AHI1: variants seen among roughly 807,000 people sequenced by gnomAD.
The protein encoded by AHI1 is Abelson helper integration site 1.
In AHI1, 123 loss-of-function variants were observed where a neutral mutation model predicts 149.3. That is an observed-to-expected ratio of 0.82 (90% CI 0.71 to 0.96). The LOEUF (loss-of-function observed/expected upper bound fraction) is 0.96. Ranked by LOEUF, AHI1 falls within the 40% of genes least tolerant of loss-of-function variation. AHI1 has a pLI of 0.00. For missense variants in AHI1, 1,439 were observed against 1,422.7 expected, an observed-to-expected ratio of 1.01 and a Z score of -0.18; for synonymous variants, 475 against 459.8, an observed-to-expected ratio of 1.03 and a Z score of -0.42.
rs953486131 is a variant in AHI1 at position 135,387,823 on chromosome 6, T to G, written c.3109+6953A>C. 3 of 1,387,426 alleles carry G rather than the reference T, an allele frequency of 2.2e-6. No individual in the cohort carries two copies. The East Asian group carries it at 7.7e-5, about 36-fold the overall frequency. 85.9% of individuals were successfully genotyped at this position (1,387,426 alleles called of 1,614,324 possible). A position where few individuals can be genotyped will look rare whatever the true frequency, so the allele number is the denominator to read the frequency against. ...TTATTCTCCCAATATTTTATGAGTT[T>G]CAAAGTATTAAATGTATTGTGTTGA... On this transcript the variant is annotated intron_variant, in intron 23 of 28. Coordinates refer to ENST00000265602, the MANE Select transcript of AHI1 (RefSeq NM_001134831.2).
Position 135,445,569 on chromosome 6 carries a change from T to A in AHI1, c.1779+1439A>T, listed in dbSNP as rs78118261. On this transcript the variant is annotated intron_variant, in intron 13 of 28. Coordinates refer to ENST00000265602, the MANE Select transcript of AHI1 (RefSeq NM_001134831.2). ...ACATCAAAAAATTTTTTTTTAAATT[T>A]TTAATTCTTTTTCTTTTTAAAGAGA... Among the ~76,000 whole-genome samples, 699 of 152,270 alleles carry A rather than the reference T, an allele frequency of 4.6e-3. 3 individuals carry two copies. Among genetic ancestry groups the A allele is most frequent in the African/African-American group, 0.016 (673 of 41,566 alleles).
At chr6:135,286,101 C>T (rs1781651525) in intron 28 of AHI1, among the ~76,000 whole-genome samples, 1 of 152,190 alleles carries the variant, frequency 6.6e-6, no homozygotes, top group East Asian at 1.9e-4. Context: ...TTCATTTAGT[C>T]TATGGCTATG....
intron 14 of AHI1, among the ~76,000 whole-genome samples, chr6:135,442,151 A>C (rs1256822939): frequency 6.6e-6 from 1 of 152,162 alleles, no homozygotes; most frequent in Non-Finnish European, 1.5e-5. Context: ...CATAATGAGA[A>C]GTTTTCATCT....
chr6:135,423,496 A>G (rs1783507760), intron 20 of AHI1, among the ~76,000 whole-genome samples: 1 of 152,208 alleles, frequency 6.6e-6, no homozygotes, highest in Admixed American at 6.6e-5. Context: ...AATATAAAAA[A>G]TAAGTTTGTC....
intron 24 of AHI1, among the ~76,000 whole-genome samples, chr6:135,345,301 C>T (rs758682381): frequency 6.6e-6 from 1 of 152,112 alleles, no homozygotes; most frequent in Non-Finnish European, 1.5e-5. Flanking sequence ...CCATATGATG[C>T]GGCAATTCTA....
At chr6:135,307,713 GT>G (rs1426592764) in intron 26 of AHI1, among the ~76,000 whole-genome samples, 1 of 150,558 alleles carries the variant, frequency 6.6e-6, no homozygotes, top group East Asian at 1.9e-4. Flanking sequence ...ACTTATAAGT[GT>G]TTTTTCCTTT....
At chr6:135,309,956 A>G (rs997621993) in intron 26 of AHI1, among the ~76,000 whole-genome samples, 5 of 152,194 alleles carry the variant, frequency 3.3e-5, no homozygotes, top group African/African-American at 1.2e-4. Context: ...TAAATATAAT[A>G]GAAATAAATC....
chr6:135,413,709 A>C (rs1402723542), intron 20 of AHI1, among the ~76,000 whole-genome samples: 2 of 146,454 alleles, frequency 1.4e-5, no homozygotes, highest in Non-Finnish European at 3.0e-5. Context: ...ATGTCTATAT[A>C]CAAGCAATTA....
intron 24 of AHI1, among the ~76,000 whole-genome samples, chr6:135,357,221 G>A (rs573911445): frequency 5.4e-4 from 83 of 152,340 alleles, no homozygotes; most frequent in East Asian, 2.7e-3. Context: ...ACAGGCGTGA[G>A]CCACTGTGTC....
chr6:135,363,877 C>T (rs866227991), intron 23 of AHI1, among the ~76,000 whole-genome samples: 1 of 149,246 alleles, frequency 6.7e-6, no homozygotes, highest in African/African-American at 2.5e-5. Context: ...GACGGGGCGG[C>T]TGGCCGGACG....
chr6:135,349,431 G>T (rs1198019344), intron 24 of AHI1, among the ~76,000 whole-genome samples: 1 of 152,156 alleles, frequency 6.6e-6, no homozygotes, highest in Non-Finnish European at 1.5e-5. Context: ...CCATCTGCTG[G>T]CTAAATTGCA....
intron 26 of AHI1, among the ~76,000 whole-genome samples, chr6:135,304,797 G>A (rs950117012): frequency 6.6e-6 from 1 of 152,148 alleles, no homozygotes; most frequent in African/African-American, 2.4e-5. Flanking sequence ...TCCTGATCAC[G>A]ATTTGTAGTT....
At position 135,457,524 on chromosome 6, in the gene AHI1, T is replaced by C; in HGVS notation, c.1121A>G (p.His374Arg). ...ATCTTTCTTGACATATTGACCAGTA[T>C]GCTCATCAACCACATGAATTTTTAC... Reference protein sequence around the residue: ...PMVKIHVVDEHTGQYVKKDDS... With the variant: ...PMVKIHVVDERTGQYVKKDDS... Residue 374 changes from histidine (H) to arginine (R), a missense_variant, in exon 9 of 29, where the codon CAT becomes CGT. Physicochemically the swap from His to Arg is conservative, Grantham distance 29 (BLOSUM62 0). Coordinates refer to ENST00000265602, the MANE Select transcript of AHI1 (RefSeq NM_001134831.2). The C allele has an allele frequency of 6.2e-7, 1 of 1,613,768 alleles. No individual in the cohort carries two copies. Among genetic ancestry groups the C allele is most frequent in the South Asian group, 1.1e-5 (1 of 91,060 alleles).
At position 135,284,371 on chromosome 6, in the gene AHI1, T is replaced by C. The variant is rs574012067; in HGVS notation, c.*1274A>G. The C allele has an allele frequency of 7.9e-5, 12 of 152,350 alleles. No homozygotes were observed. Among genetic ancestry groups the C allele is most frequent in the Non-Finnish European group, 1.2e-4 (8 of 68,032 alleles). 9.4% of individuals were successfully genotyped at this position (152,350 alleles called of 1,614,324 possible). ...CAATGCCCAACATTGTTTTTCTCAC[T>C]TCTTATTTTAATGGAATTGACTGTC... On this transcript the variant is annotated 3_prime_UTR_variant, in exon 29 of 29. Transcript: ENST00000265602.
In AHI1 at chr6:135,411,331, G is replaced by C. The variant is rs201291897; in HGVS notation, c.2961+17C>G. On this transcript the variant is annotated intron_variant, in intron 21 of 28. Transcript: ENST00000265602. ...TAGAAATAGTTTTAAAGTTTCAACT[G>C]CATAAAATAAACTTACTGTGACAGT... 6.4e-7 allele frequency: 1 copy of C among 1,567,044 alleles called. No homozygotes were observed. Among genetic ancestry groups the C allele is most frequent in the Non-Finnish European group, 8.8e-7 (1 of 1,141,688 alleles).
chr6:135,323,025 T>A, intron 25 of AHI1, 137 bp downstream of exon 25: 3 of 918,074 alleles, frequency 3.3e-6, no homozygotes, highest in Non-Finnish European at 4.5e-6. Context: ...TTTTACATCA[T>A]GAGAATGAAA....
intron 16 of AHI1, 129 bp from the exon 17 acceptor site, chr6:135,431,443 A>C: frequency 2.1e-6 from 1 of 470,414 alleles, no homozygotes; most frequent in Non-Finnish European, 3.6e-6. Context: ...AAGGTATTTC[A>C]GTTTAAAAAA....
intron 5 of AHI1, among the ~76,000 whole-genome samples, chr6:135,487,012 C>T (rs142851779): frequency 1.2e-4 from 19 of 152,286 alleles, no homozygotes; most frequent in African/African-American, 4.3e-4. Flanking sequence ...GCAATTCTCC[C>T]ACCTTGGATT....
At chr6:135,287,523 A>G (rs1184804119) in intron 28 of AHI1, among the ~76,000 whole-genome samples, 3 of 152,218 alleles carry the variant, frequency 2.0e-5, no homozygotes, top group Non-Finnish European at 4.4e-5. Context: ...TAACAGCAAA[A>G]GGACCTGAAA....
Sources: allele counts gnomAD v4.1 joint callset (sites outside exome capture counted in the v4.1 genomes callset), GRCh38; gene constraint gnomAD v4.1.1; transcripts MANE v1.5; gene names NCBI Gene and HGNC (gene_info 2026-07-23, HGNC 2026-07-21).